Variants in LRP1B observed in about 807,000 individuals in gnomAD.
LRP1B encodes low-density lipoprotein receptor-related protein 1B.
Under a neutral mutation model 556.6 loss-of-function variants are expected in LRP1B, and 217 were observed. The ratio of observed to expected loss-of-function variants is 0.39; its 90% CI spans 0.35 to 0.44. The LOEUF (loss-of-function observed/expected upper bound fraction) is 0.44, where lower values mean the gene tolerates loss of function less well. LRP1B is among the 20% of genes least tolerant of loss of function. The pLI is 1.00. For synonymous variants in LRP1B, 2,047 were observed against 1,865.8 expected (o/e 1.10, Z -2.50); for missense variants, 5,053 against 5,620.8 (o/e 0.90, Z 3.23).
chr2:141,385,767 C>G (rs904315331), intron 3 of LRP1B, among the ~76,000 whole-genome samples: 2 of 152,144 alleles, frequency 1.3e-5, no homozygotes, highest in Non-Finnish European at 2.9e-5. Context: ...TGTACAGAAA[C>G]CTTTTAATCA....
intron 41 of LRP1B, among the ~76,000 whole-genome samples, chr2:140,640,589 G>A (rs987434075): frequency 6.7e-6 from 1 of 149,542 alleles, no homozygotes; most frequent in African/African-American, 2.5e-5. Flanking sequence ...TAGAGACAGG[G>A]TTTCACCGTG....
chr2:141,633,620 A>C (rs1446115967), intron 2 of LRP1B, among the ~76,000 whole-genome samples: 4 of 152,086 alleles, frequency 2.6e-5, no homozygotes, highest in Admixed American at 2.6e-4. Context: ...AATATACATA[A>C]AATTTACCAT....
intron 35 of LRP1B, among the ~76,000 whole-genome samples, chr2:140,747,659 C>G (rs1323313408): frequency 6.6e-6 from 1 of 152,018 alleles, no homozygotes; most frequent in Admixed American, 6.6e-5. Context: ...TCTCCTTTAG[C>G]TTATATGAAA....
intron 1 of LRP1B, among the ~76,000 whole-genome samples, chr2:141,861,940 GA>G (rs993953167): frequency 1.2e-4 from 17 of 145,966 alleles, no homozygotes; most frequent in Non-Finnish European, 2.1e-4. Context: ...AAAAAAAAAA[GA>G]AAAAAAGAAA....
intron 2 of LRP1B, among the ~76,000 whole-genome samples, chr2:141,536,181 C>A (rs979327714): frequency 5.9e-5 from 9 of 152,038 alleles, no homozygotes; most frequent in Non-Finnish European, 1.0e-4. Flanking sequence ...ATAAGAAAGA[C>A]TATTTCATAA....
At chr2:141,687,917 G>GGTTACTCT (rs147164606) in intron 2 of LRP1B, among the ~76,000 whole-genome samples, 51,085 of 151,046 alleles carry the variant, frequency 0.34, 9,136 homozygotes, top group East Asian at 0.58. Flanking sequence ...AGGGTCTGCT[G>GGTTACTCT]GTTTGGGCAA....
intron 2 of LRP1B, among the ~76,000 whole-genome samples, chr2:141,717,854 T>G (rs765489304): frequency 2.0e-5 from 3 of 152,226 alleles, no homozygotes; most frequent in East Asian, 1.9e-4. Flanking sequence ...GTGTAAATGA[T>G]CTTATCTTGC....
At chr2:141,975,260 T>C (rs1438937175) in intron 1 of LRP1B, among the ~76,000 whole-genome samples, 1 of 152,090 alleles carries the variant, frequency 6.6e-6, no homozygotes, top group East Asian at 1.9e-4. Flanking sequence ...TAATATACTG[T>C]TAAAATGTAA....
chr2:141,841,511 C>T (rs1697470036), intron 1 of LRP1B, among the ~76,000 whole-genome samples: 1 of 152,152 alleles, frequency 6.6e-6, no homozygotes, highest in Middle Eastern at 3.2e-3. Context: ...AAATGTCCTC[C>T]CTCCCCAACT....
At chr2:140,414,100 G>C (rs1488145747) in intron 66 of LRP1B, among the ~76,000 whole-genome samples, 1 of 151,956 alleles carries the variant, frequency 6.6e-6, no homozygotes. Flanking sequence ...ATTTTTTGTA[G>C]AAACAGGGTC....
chr2:141,026,673 A>G (rs1698225795), intron 11 of LRP1B, among the ~76,000 whole-genome samples: 1 of 152,100 alleles, frequency 6.6e-6, no homozygotes, highest in South Asian at 2.1e-4. Flanking sequence ...AAGGAGGCCA[A>G]GTTCTTAATA....
chr2:140,654,652 T>C (rs532471133), intron 41 of LRP1B, among the ~76,000 whole-genome samples: 5 of 152,282 alleles, frequency 3.3e-5, no homozygotes, highest in East Asian at 1.9e-4. Context: ...GATTTTTTTT[T>C]CCCCGATAAC....
intron 3 of LRP1B, among the ~76,000 whole-genome samples, chr2:141,389,627 T>A (rs62165754): frequency 6.6e-6 from 1 of 151,898 alleles, no homozygotes; most frequent in Non-Finnish European, 1.5e-5. Flanking sequence ...ACAAAACAGA[T>A]AAACTGGACT....
At chr2:141,328,780 C>T (rs1687525090) in intron 3 of LRP1B, among the ~76,000 whole-genome samples, 1 of 152,132 alleles carries the variant, frequency 6.6e-6, no homozygotes. Flanking sequence ...GAATGCTGGG[C>T]TCAGGCAAAT....
intron 57 of LRP1B, among the ~76,000 whole-genome samples, chr2:140,489,782 A>G (rs777967435): frequency 3.3e-5 from 5 of 152,050 alleles, no homozygotes; most frequent in Non-Finnish European, 7.4e-5. Flanking sequence ...ACATGTCTCT[A>G]ACTTGAGCAA....
chr2:141,189,733 T>A (rs1681419034), intron 6 of LRP1B, among the ~76,000 whole-genome samples: 1 of 152,010 alleles, frequency 6.6e-6, no homozygotes, highest in Non-Finnish European at 1.5e-5. Flanking sequence ...AAAATTGAAT[T>A]TTTATCATAT....
intron 35 of LRP1B, among the ~76,000 whole-genome samples, chr2:140,753,070 T>A (rs906667885): frequency 7.2e-5 from 11 of 152,184 alleles, no homozygotes; most frequent in Non-Finnish European, 1.0e-4. Context: ...AAACCATTGA[T>A]CTTTTTACTG....
intron 20 of LRP1B, among the ~76,000 whole-genome samples, chr2:140,938,788 T>C (rs1695307159): frequency 6.6e-6 from 1 of 150,688 alleles, no homozygotes; most frequent in Non-Finnish European, 1.5e-5. Flanking sequence ...TCTTCCCCTA[T>C]ATTATCAACA....
At chr2:141,470,517 T>G (rs1559088891) in intron 3 of LRP1B, among the ~76,000 whole-genome samples, 1 of 152,178 alleles carries the variant, frequency 6.6e-6, no homozygotes. Flanking sequence ...GTCAGGAGGA[T>G]GCTGAAGCAT....
Sources: allele counts gnomAD v4.1 joint callset (sites outside exome capture counted in the v4.1 genomes callset), GRCh38; gene constraint gnomAD v4.1.1; transcripts MANE v1.5; gene names NCBI Gene and HGNC (gene_info 2026-07-23, HGNC 2026-07-21).